The following SUMF1 variants were observed in gnomAD, a reference collection of about 807,000 sequenced individuals.
SUMF1 encodes the protein sulfatase modifying factor 1.
SUMF1 carries 48 observed loss-of-function variants against 47.6 expected under a neutral mutation model. The ratio of observed to expected loss-of-function variants is 1.01; its 90% CI spans 0.80 to 1.28. SUMF1 has a LOEUF of 1.28. Ranked by LOEUF, SUMF1 falls within the 50% of genes most tolerant of loss-of-function variation. SUMF1 has a pLI of 0.00. For synonymous variants in SUMF1, 230 were observed against 192.1 expected, an observed-to-expected ratio of 1.20 and a Z score of -1.63; for missense variants, 571 against 485.4, an observed-to-expected ratio of 1.18 and a Z score of -1.66.
At chr3:4,249,971 G>T (rs1018200909) in intron 8 of SUMF1, among the ~76,000 whole-genome samples, 2 of 152,128 alleles carry the variant, frequency 1.3e-5, no homozygotes, top group African/African-American at 4.8e-5. Flanking sequence ...ATCACTTGAG[G>T]CCAGGAGTTT....
At position 4,144,642 on chromosome 3, in the gene SUMF1, C is replaced by T. The variant is rs187189404; in HGVS notation, c.1015-75897G>A. Among the ~76,000 whole-genome samples the T allele has an allele frequency of 3.1e-3, 475 of 152,166 alleles. 1 individual carries two copies. Among genetic ancestry groups the T allele is most frequent in the Non-Finnish European group, 5.5e-3 (374 of 67,986 alleles). ...ATGCCTGTTTATTCATAATCCAATC[C>T]ACTCCAAAACACAAATAACCTGCTT... On this transcript the variant is annotated intron_variant and NMD_transcript_variant, in intron 8 of 12. Transcript: ENST00000448413.
At chr3:4,185,282 T>C (rs1350131822) in intron 8 of SUMF1, among the ~76,000 whole-genome samples, 1 of 152,208 alleles carries the variant, frequency 6.6e-6, no homozygotes, top group Non-Finnish European at 1.5e-5. Flanking sequence ...AAGATTTCTA[T>C]GTGTTCAAAA....
chr3:4,079,017 G>T (rs971861193), intron 8 of SUMF1, among the ~76,000 whole-genome samples: 3 of 152,050 alleles, frequency 2.0e-5, no homozygotes, highest in Non-Finnish European at 4.4e-5. Flanking sequence ...GGTTTTCTCT[G>T]GGTTTTTTCC....
rs545177937 is a variant in SUMF1, at chr3:4,179,396, T to C, written c.1015-110651A>G. On this transcript the variant is annotated intron_variant and NMD_transcript_variant, in intron 8 of 12. Transcript: ENST00000448413. ...AAATACCACAACACATCTACAACCATCTGATCTTTGATAAACCTGACAAAA... is the reference window on the plus strand; with the variant it reads ...AAATACCACAACACATCTACAACCACCTGATCTTTGATAAACCTGACAAAA... Among the ~76,000 whole-genome samples the C allele has an allele frequency of 2.6e-3, 392 of 152,204 alleles. 1 individual carries two copies. Among genetic ancestry groups the C allele is most frequent in the African/African-American group, 9.1e-3 (379 of 41,512 alleles).
At chr3:4,218,241 T>C (rs1695982196) in intron 8 of SUMF1, among the ~76,000 whole-genome samples, 1 of 152,016 alleles carries the variant, frequency 6.6e-6, no homozygotes, top group Non-Finnish European at 1.5e-5. Context: ...GCTTCTAGCC[T>C]CCTGAATTGT....
chr3:4,104,322 C>A (rs183784894), intron 8 of SUMF1, among the ~76,000 whole-genome samples: 25 of 152,218 alleles, frequency 1.6e-4, no homozygotes, highest in African/African-American at 4.1e-4. Context: ...CCTCCCCAGT[C>A]ATGTGGAATT....
rs144199049 is a variant in SUMF1 at position 4,055,194 on chromosome 3, T to C, written c.1191+13375A>G. On this transcript the variant is annotated intron_variant and NMD_transcript_variant, in intron 9 of 12. Coordinates refer to the SUMF1 transcript ENST00000448413. ...TTGAAAAGTACTATGGTACAAATGATGATATGGCATAAATACAATGAAACG... is the reference window on the plus strand; with the variant it reads ...TTGAAAAGTACTATGGTACAAATGACGATATGGCATAAATACAATGAAACG... 5.1e-3 allele frequency among the ~76,000 whole-genome samples: 775 copies of C among 152,152 alleles called. 5 individuals are homozygous for C. The highest frequency in any genetic ancestry group is 0.018 in the African/African-American group (745 of 41,506).
intron 1 of SUMF1, among the ~76,000 whole-genome samples, chr3:4,459,334 T>C (rs1012703124): frequency 6.7e-6 from 1 of 150,358 alleles, no homozygotes; most frequent in Non-Finnish European, 1.5e-5. Flanking sequence ...CAATTAAAAA[T>C]AAAATTTTAA....
chr3:4,454,702 A>C (rs533673779), intron 1 of SUMF1, among the ~76,000 whole-genome samples: 1 of 152,388 alleles, frequency 6.6e-6, no homozygotes, highest in African/African-American at 2.4e-5. Flanking sequence ...ATGAATAAGT[A>C]AACAAAATTT....
At chr3:4,111,687 C>T (rs764050411) in intron 8 of SUMF1, among the ~76,000 whole-genome samples, 12 of 151,700 alleles carry the variant, frequency 7.9e-5, no homozygotes, top group African/African-American at 2.4e-4. Context: ...TGCAGTGAGC[C>T]GAGATTGTGC....
intron 8 of SUMF1, among the ~76,000 whole-genome samples, chr3:4,282,432 G>T (rs1176804545): frequency 6.6e-6 from 1 of 152,192 alleles, no homozygotes; most frequent in Non-Finnish European, 1.5e-5. Flanking sequence ...ACAATAATTA[G>T]TTAGAATAAA....
chr3:4,157,384 T>C (rs1694476271), intron 8 of SUMF1, among the ~76,000 whole-genome samples: 1 of 151,672 alleles, frequency 6.6e-6, no homozygotes, highest in African/African-American at 2.4e-5. Context: ...GCTGTCATTA[T>C]CCATAAGTTT....
At chr3:4,146,463 A>G (rs2125101285) in intron 8 of SUMF1, among the ~76,000 whole-genome samples, 1 of 152,220 alleles carries the variant, frequency 6.6e-6, no homozygotes, top group South Asian at 2.1e-4. Context: ...ACATGAAATC[A>G]ACACTGTCAG....
intron 8 of SUMF1, among the ~76,000 whole-genome samples, chr3:4,163,380 AAGGGAGGGAGGGAGGGAGGG>A (rs1176844512): frequency 0.023 from 502 of 21,558 alleles, 7 homozygotes; most frequent in Non-Finnish European, 0.028. Flanking sequence ...GGAAGGAAGG[AAGGGAGGGAGGGAGGGAGGG>A]AGGGAGGGAG....
chr3:4,372,079 G>A (rs754150557), intron 8 of SUMF1, among the ~76,000 whole-genome samples: 67 of 152,230 alleles, frequency 4.4e-4, no homozygotes, highest in Non-Finnish European at 6.5e-4. Context: ...AGGCCAAGGC[G>A]GGAGGATCAC....
chr3:4,064,162 T>G (rs1420628799), intron 9 of SUMF1, among the ~76,000 whole-genome samples: 1 of 151,732 alleles, frequency 6.6e-6, no homozygotes, highest in Non-Finnish European at 1.5e-5. Context: ...TAGGATGAGA[T>G]AGGAGACCGG....
intron 8 of SUMF1, among the ~76,000 whole-genome samples, chr3:4,130,835 G>C (rs1039476923): frequency 6.6e-6 from 1 of 152,016 alleles, no homozygotes; most frequent in Admixed American, 6.6e-5. Context: ...TTTTGAGTTG[G>C]GTCCAGAACA....
intron 8 of SUMF1, among the ~76,000 whole-genome samples, chr3:4,208,508 C>T (rs1695703323): frequency 6.8e-6 from 1 of 147,952 alleles, no homozygotes; most frequent in Non-Finnish European, 1.5e-5. Flanking sequence ...AAACAAGCAT[C>T]ATAACCAGAG....
intron 3 of SUMF1, among the ~76,000 whole-genome samples, chr3:4,427,202 C>T (rs1244595205): frequency 2.0e-5 from 3 of 152,196 alleles, no homozygotes; most frequent in East Asian, 3.8e-4. Context: ...GTCAAGTGCA[C>T]AACTTTACAA....
Sources: gnomAD v4.1 joint callset for allele counts (sites outside exome capture counted in the v4.1 genomes callset) on GRCh38, gnomAD v4.1.1 for gene constraint, MANE v1.5 for transcripts, NCBI Gene and HGNC (gene_info 2026-07-23, HGNC 2026-07-21) for gene names.